GPHN: variants seen among roughly 807,000 people sequenced by gnomAD.
GPHN encodes gephyrin.
In GPHN, 17 loss-of-function variants were observed where a neutral mutation model predicts 95.5. The observed-to-expected ratio is 0.18, with a 90% confidence interval of 0.12 to 0.27. The LOEUF is 0.27. Among genes scored for constraint, GPHN ranks in the 10% least tolerant of loss-of-function variants. The pLI, the probability that GPHN is intolerant of heterozygous loss-of-function variation, is 1.00. For synonymous variants in GPHN, 320 were observed against 322.5 expected, an observed-to-expected ratio of 0.99 and a Z score of 0.08; for missense variants, 660 against 978.1, an observed-to-expected ratio of 0.67 and a Z score of 4.34.
the GPHN span, chr14:67,562,420 C>A: frequency 3.7e-6 from 6 of 1,613,654 alleles, no homozygotes; most frequent in Non-Finnish European, 5.1e-6. Context: ...GAAGAGAGAG[C>A]CCTCCCCACC....
At chr14:67,260,321 C>G in the GPHN span, among the ~76,000 whole-genome samples, 1 of 152,080 alleles carries the variant, frequency 6.6e-6, no homozygotes, top group Non-Finnish European at 1.5e-5. Context: ...GGAGGACATT[C>G]GTGGTAAGAA....
chr14:67,157,776 C>T (rs1466919500), intron 18 of GPHN, among the ~76,000 whole-genome samples: 10 of 150,602 alleles, frequency 6.6e-5, no homozygotes, highest in African/African-American at 2.2e-4. Flanking sequence ...CGCAGTGAGC[C>T]GAGATCATGC....
the GPHN span, chr14:67,650,588 A>T: frequency 3.9e-6 from 3 of 773,166 alleles, no homozygotes; most frequent in Non-Finnish European, 6.5e-6. Context: ...TCCTAAAAAT[A>T]GGTATTTTCT....
chr14:66,842,921 G>A (rs902898119), intron 4 of GPHN, among the ~76,000 whole-genome samples: 1 of 152,016 alleles, frequency 6.6e-6, no homozygotes, highest in Non-Finnish European at 1.5e-5. Flanking sequence ...CCATTTGTGT[G>A]CTGTTCTCTT....
intron 1 of GPHN, among the ~76,000 whole-genome samples, chr14:66,607,058 T>C (rs1188191547): frequency 6.6e-6 from 1 of 152,162 alleles, no homozygotes; most frequent in African/African-American, 2.4e-5. Flanking sequence ...GCCCATTCAG[T>C]ATGATGTTGG....
chr14:67,592,766 G>T, the GPHN span: 1 of 1,135,490 alleles, frequency 8.8e-7, no homozygotes, highest in Non-Finnish European at 1.3e-6. Flanking sequence ...AACTCATTTT[G>T]CATTCTTTTT....
the GPHN span, among the ~76,000 whole-genome samples, chr14:67,395,948 C>T: frequency 6.6e-6 from 1 of 152,124 alleles, no homozygotes; most frequent in African/African-American, 2.4e-5. Context: ...GAACACAAAC[C>T]CCAGCTCTGC....
intron 4 of GPHN, among the ~76,000 whole-genome samples, chr14:66,878,532 G>A (rs780604224): frequency 1.3e-5 from 2 of 151,134 alleles, no homozygotes; most frequent in Non-Finnish European, 3.0e-5. Context: ...AAAAAACAAC[G>A]CCATCAAAAA....
At chr14:67,400,084 C>T in the GPHN span, among the ~76,000 whole-genome samples, 11 of 152,196 alleles carry the variant, frequency 7.2e-5, no homozygotes, top group South Asian at 2.1e-4. Context: ...ACACTCAGCA[C>T]GTACTAAGAG....
chr14:66,714,872 G>T (rs1381527585), intron 2 of GPHN, among the ~76,000 whole-genome samples: 2 of 152,024 alleles, frequency 1.3e-5, no homozygotes, highest in Non-Finnish European at 2.9e-5. Context: ...TGTTGGATTT[G>T]GTTAGCTAGT....
chr14:66,593,709 G>A (rs985911569), intron 1 of GPHN, among the ~76,000 whole-genome samples: 10 of 152,152 alleles, frequency 6.6e-5, no homozygotes, highest in Non-Finnish European at 1.3e-4. Context: ...CAAGCCCATA[G>A]TGAGTATTAT....
intron 1 of GPHN, among the ~76,000 whole-genome samples, chr14:66,511,080 A>T (rs2058025043): frequency 6.6e-6 from 1 of 152,196 alleles, no homozygotes. Flanking sequence ...TTGTTGATAC[A>T]GATATTGTCT....
the GPHN span, among the ~76,000 whole-genome samples, chr14:67,731,696 A>AT: frequency 6.6e-6 from 1 of 152,136 alleles, no homozygotes; most frequent in African/African-American, 2.4e-5. Flanking sequence ...AAACTATATG[A>AT]TTTTTTATAC....
At chr14:67,204,846 A>G in the GPHN span, 1 of 1,614,026 alleles carries the variant, frequency 6.2e-7, no homozygotes, top group East Asian at 2.2e-5. Flanking sequence ...ATGCAGGTAC[A>G]GGCCCTGAAC....
rs184741442 is a variant in GPHN, at chr14:67,091,030, A to G, written c.1237+1955A>G. Among the ~76,000 whole-genome samples the G allele has an allele frequency of 5.8e-3, 884 of 151,996 alleles. 9 individuals carry two copies. The highest frequency in any genetic ancestry group is 0.021 in the African/African-American group (863 of 41,526). The stretch of plus-strand genomic sequence containing the variant: ...ATATTTAATGATAGTAACCATTATT[A>G]TCATATTATAAATACATTTTCTTAA... On this transcript the variant is annotated intron_variant, in intron 12 of 22. Coordinates refer to ENST00000478722, the MANE Select transcript of GPHN (RefSeq NM_020806.5).
At chr14:66,961,910 A>ATATATGTG (rs2068942720) in intron 8 of GPHN, among the ~76,000 whole-genome samples, 6 of 65,178 alleles carry the variant, frequency 9.2e-5, no homozygotes, top group African/African-American at 2.9e-4. Context: ...GTATATATAT[A>ATATATGTG]TATATATATA....
At chr14:66,996,361 A>G (rs957531019) in intron 9 of GPHN, 4 of 629,694 alleles carry the variant, frequency 6.4e-6, no homozygotes, top group Non-Finnish European at 1.1e-5. Context: ...AAAGGGGGAA[A>G]ATTCACCTGT....
At chr14:66,666,072 A>T (rs1289704795) in intron 1 of GPHN, among the ~76,000 whole-genome samples, 3 of 115,482 alleles carry the variant, frequency 2.6e-5, no homozygotes, top group Non-Finnish European at 4.9e-5. Context: ...GAACACAGGA[A>T]GGGGGACATC....
chr14:66,773,401 T>C (rs1478957971), intron 2 of GPHN, among the ~76,000 whole-genome samples: 1 of 148,978 alleles, frequency 6.7e-6, no homozygotes, highest in Non-Finnish European at 1.5e-5. Flanking sequence ...TTGCTCAGGC[T>C]GGGTTTCAAT....
Sources: allele counts gnomAD v4.1 joint callset (sites outside exome capture counted in the v4.1 genomes callset), GRCh38; gene constraint gnomAD v4.1.1; transcripts MANE v1.5; gene names NCBI Gene and HGNC (gene_info 2026-07-23, HGNC 2026-07-21).